Variants in DMD observed in about 807,000 individuals in gnomAD.
The protein encoded by DMD is mutant dystrophin.
DMD carries 63 observed loss-of-function variants against 330.1 expected under a neutral mutation model. The observed-to-expected ratio is 0.19, with a 90% CI of 0.16 to 0.24. The LOEUF is 0.24. DMD is among the 10% of genes least tolerant of loss of function. DMD has a pLI of 1.00. For missense variants in DMD, 3,344 were observed against 2,684.1 expected (o/e 1.25, Z -5.43); for synonymous variants, 1,223 against 959.8 (o/e 1.27, Z -5.07).
At chrX:31,881,787 A>T (rs138180883) in intron 47 of DMD, among the ~76,000 whole-genome samples, 271 of 111,837 alleles carry the variant, frequency 2.4e-3, no homozygotes, top group South Asian at 4.4e-3. Context: ...TCTTTGTGTA[A>T]GTACACTCTA....
chrX:31,585,241 C>T lies in DMD; in HGVS notation c.8217+42432G>A, dbSNP rs1325082839. ...GGGAGGCTGAGGTTGGGGGGATCAC[C>T]CGAGCCCAGGAGGTGGAGGTTGCAG... On this transcript the variant is annotated intron_variant, in intron 55 of 78. Transcript: ENST00000357033. 3.8e-5 allele frequency among the ~76,000 whole-genome samples: 4 copies of T among 104,620 alleles called. 1 individual carries two copies. Among genetic ancestry groups the T allele is most frequent in the African/African-American group, 1.4e-4 (4 of 28,535 alleles). 90.8% of individuals were successfully genotyped at this position (104,620 alleles called of 115,157 possible). A position where few individuals can be genotyped will look rare whatever the true frequency, so the allele number is the denominator to read the frequency against.
At chrX:31,154,088 G>T (rs2037786845) in intron 74 of DMD, among the ~76,000 whole-genome samples, 1 of 111,172 alleles carries the variant, frequency 9.0e-6, no homozygotes, top group African/African-American at 3.3e-5. Context: ...TTTTGTTAGG[G>T]GTTGGGAAAT....
chrX:32,778,087 TGTTA>T (rs780682633), intron 7 of DMD, among the ~76,000 whole-genome samples: 4 of 111,719 alleles, frequency 3.6e-5, no homozygotes, highest in Non-Finnish European at 5.6e-5. Flanking sequence ...CAGTTGATGC[TGTTA>T]ATTAAAAATA....
intron 53 of DMD, among the ~76,000 whole-genome samples, chrX:31,675,365 T>G (rs763477231): frequency 1.6e-4 from 18 of 111,825 alleles, no homozygotes; most frequent in Non-Finnish European, 3.2e-4. Context: ...TTTATTCTCC[T>G]TATTTATGTA....
chrX:31,290,224 T>C (rs1368172391), intron 62 of DMD, among the ~76,000 whole-genome samples: 5 of 110,626 alleles, frequency 4.5e-5, no homozygotes, highest in Non-Finnish European at 5.7e-5. Flanking sequence ...CCCAGTCTTA[T>C]TTACTATTAT....
At chrX:32,539,421 A>T (rs769284721) in intron 17 of DMD, among the ~76,000 whole-genome samples, 1 of 111,256 alleles carries the variant, frequency 9.0e-6, no homozygotes, top group South Asian at 3.8e-4. Flanking sequence ...AAATCATCTA[A>T]AATGTTTTGT....
intron 7 of DMD, among the ~76,000 whole-genome samples, chrX:32,766,008 A>G (rs2072937152): frequency 8.9e-6 from 1 of 112,008 alleles, no homozygotes. Context: ...TTGTTTGACA[A>G]TATATAGTAG....
chrX:32,611,280 G>C (rs1346358617), intron 12 of DMD, among the ~76,000 whole-genome samples: 1 of 110,261 alleles, frequency 9.1e-6, no homozygotes, highest in Non-Finnish European at 1.9e-5. Context: ...ATAGTTAAAA[G>C]TAGGAGTTGG....
rs1299037900 is a variant in DMD at position 32,445,072 on chromosome X, A to G, written c.3786+3384T>C. On this transcript the variant is annotated intron_variant, in intron 27 of 78. Coordinates refer to ENST00000357033, the MANE Select transcript of DMD (RefSeq NM_004006.3). Reference sequence around the variant, plus strand: ...TCACTAAAGCATTGGTTAAAAAGACATAATATTCAAGAGCAGTTTGTGTAA... The same window carrying G: ...TCACTAAAGCATTGGTTAAAAAGACGTAATATTCAAGAGCAGTTTGTGTAA... 4.5e-5 allele frequency among the ~76,000 whole-genome samples: 5 copies of G among 111,893 alleles called. No homozygotes were observed. The South Asian group carries it at 1.5e-3, about 33-fold the overall frequency.
At chrX:32,680,555 T>C (rs755978468) in intron 9 of DMD, among the ~76,000 whole-genome samples, 18 of 112,075 alleles carry the variant, frequency 1.6e-4, no homozygotes, top group Non-Finnish European at 3.0e-4. Flanking sequence ...CTTTAATTTA[T>C]TGAGAAAAAC....
intron 34 of DMD, 36 bp from the exon 35 acceptor site, chrX:32,365,235 C>A: frequency 8.4e-7 from 1 of 1,186,143 alleles, no homozygotes; most frequent in Non-Finnish European, 1.1e-6. Context: ...CAAGTAATGT[C>A]TTGTAGTCTT....
intron 7 of DMD, among the ~76,000 whole-genome samples, chrX:32,740,309 G>A (rs1307402707): frequency 1.8e-5 from 2 of 110,146 alleles, no homozygotes; most frequent in Non-Finnish European, 3.8e-5. Flanking sequence ...TCTTATAGAT[G>A]CATAATGTAG....
At chrX:32,740,107 G>A (rs1386123737) in intron 7 of DMD, among the ~76,000 whole-genome samples, 1 of 108,348 alleles carries the variant, frequency 9.2e-6, no homozygotes, top group Non-Finnish European at 1.9e-5. Context: ...TTTCCAAGCA[G>A]AAGCTTTACG....
At chrX:31,739,604 T>C (rs895214331) in intron 51 of DMD, among the ~76,000 whole-genome samples, 6 of 108,821 alleles carry the variant, frequency 5.5e-5, no homozygotes, top group African/African-American at 2.0e-4. Flanking sequence ...CACCGGGGCC[T>C]GTCAAGGGGT....
At chrX:31,473,443 C>T (rs2067465966) in intron 59 of DMD, among the ~76,000 whole-genome samples, 1 of 103,780 alleles carries the variant, frequency 9.6e-6, no homozygotes, top group Non-Finnish European at 2.0e-5. Flanking sequence ...GCAATCTGGC[C>T]GGGAGCGGTG....
chrX:31,831,821 C>A lies in DMD; in HGVS notation c.7200+4897G>T, dbSNP rs180938843. The stretch of plus-strand genomic sequence containing the variant: ...GTTTCACCATGTTAGCCAGGATGGT[C>A]TCGATCTCCTGACTTTGTGATCCGC... On this transcript the variant is annotated intron_variant, in intron 49 of 78. Transcript: ENST00000357033. Among the ~76,000 whole-genome samples, 3 of 112,118 alleles carry A rather than the reference C, an allele frequency of 2.7e-5. No individual in the cohort carries two copies. The Admixed American group carries it at 2.8e-4, about 11-fold the overall frequency.
chrX:32,787,213 AGTGT>A (rs72078806), intron 7 of DMD, among the ~76,000 whole-genome samples: 6,350 of 83,094 alleles, frequency 0.076, 217 homozygotes, highest in African/African-American at 0.13. Context: ...CTCTCTGTCA[AGTGT>A]GTGTGTGTGT....
chrX:31,544,132 G>A (rs1173149780), intron 55 of DMD, among the ~76,000 whole-genome samples: 1 of 110,687 alleles, frequency 9.0e-6, no homozygotes, highest in Non-Finnish European at 1.9e-5. Context: ...AGACCAGTCC[G>A]GCTAACATGG....
intron 2 of DMD, among the ~76,000 whole-genome samples, chrX:32,950,277 T>C (rs1344510543): frequency 9.0e-6 from 1 of 111,277 alleles, no homozygotes; most frequent in Admixed American, 9.6e-5. Context: ...GCTCTTTACT[T>C]GTATCAGCTA....
Sources: gnomAD v4.1 joint callset for allele counts (sites outside exome capture counted in the v4.1 genomes callset) on GRCh38, gnomAD v4.1.1 for gene constraint, MANE v1.5 for transcripts, NCBI Gene and HGNC (gene_info 2026-07-23, HGNC 2026-07-21) for gene names.